AGBL4: variants seen among roughly 807,000 people sequenced by gnomAD.
AGBL4 encodes the protein cytosolic carboxypeptidase 6.
In AGBL4, 58 loss-of-function variants were observed where a neutral mutation model predicts 66.4. The observed-to-expected ratio is 0.87, with a 90% CI of 0.71 to 1.09. AGBL4 has a LOEUF of 1.09. AGBL4 is among the 50% of genes least tolerant of loss of function. The pLI, the probability that AGBL4 is intolerant of heterozygous loss-of-function variation, is 0.00. For synonymous variants in AGBL4, 234 were observed against 222.9 expected (o/e 1.05, Z -0.44); for missense variants, 579 against 631.0 (o/e 0.92, Z 0.88).
At chr1:49,850,314 G>A (rs1043857772) in intron 2 of AGBL4, among the ~76,000 whole-genome samples, 2 of 152,144 alleles carry the variant, frequency 1.3e-5, no homozygotes, top group South Asian at 2.1e-4. Context: ...CTAACAACCT[G>A]TAGGAAGCTA....
chr1:49,395,747 GTA>G (rs764822209), intron 3 of AGBL4, among the ~76,000 whole-genome samples: 45 of 127,856 alleles, frequency 3.5e-4, no homozygotes, highest in Middle Eastern at 4.1e-3. Flanking sequence ...ATATATATAT[GTA>G]TATATATATA....
intron 6 of AGBL4, among the ~76,000 whole-genome samples, chr1:48,747,624 T>C (rs1650976968): frequency 6.6e-6 from 1 of 152,258 alleles, no homozygotes; most frequent in Non-Finnish European, 1.5e-5. Context: ...TTCTGTTATT[T>C]ACTTTACCTC....
chr1:49,124,298 A>T (rs1303192091), intron 4 of AGBL4, among the ~76,000 whole-genome samples: 1 of 152,230 alleles, frequency 6.6e-6, no homozygotes, highest in Admixed American at 6.5e-5. Context: ...TATAATCAGC[A>T]GAATGAAGAA....
chr1:49,805,819 C>T (rs1384008730), intron 2 of AGBL4, among the ~76,000 whole-genome samples: 1 of 152,176 alleles, frequency 6.6e-6, no homozygotes, highest in African/African-American at 2.4e-5. Flanking sequence ...CGAGAAGGCA[C>T]ATCTATGAAA....
rs10657477 is a variant in AGBL4 at position 48,709,584 on chromosome 1, C to CATTATTATTATTATTATTATT, written c.635-46364_635-46344dup. The stretch of plus-strand genomic sequence containing the variant: ...TAGTGAGCACTTACTATTTGCCAGG[C>CATTATTATTATTATTATTATT]ATTATTATTATTATTATTATTATTA... On this transcript the variant is annotated intron_variant, in intron 6 of 13. Transcript: ENST00000371839. 3.9e-4 allele frequency among the ~76,000 whole-genome samples: 55 copies of CATTATTATTATTATTATTATT among 141,890 alleles called. 1 individual carries two copies. Among genetic ancestry groups the CATTATTATTATTATTATTATT allele is most frequent in the Middle Eastern group, 3.6e-3 (1 of 278 alleles). 93.1% of individuals were successfully genotyped at this position (141,890 alleles called of 152,430 possible). A position where few individuals can be genotyped will look rare whatever the true frequency, so the allele number is the denominator to read the frequency against.
intron 4 of AGBL4, among the ~76,000 whole-genome samples, chr1:49,055,280 A>C (rs1195502968): frequency 6.6e-6 from 1 of 151,998 alleles, no homozygotes; most frequent in Non-Finnish European, 1.5e-5. Context: ...ATTTTGTTTT[A>C]TTAAAAAAAT....
intron 5 of AGBL4, among the ~76,000 whole-genome samples, chr1:48,957,028 A>G (rs1265583325): frequency 6.6e-6 from 1 of 152,152 alleles, no homozygotes; most frequent in Non-Finnish European, 1.5e-5. Flanking sequence ...TATACTTCAT[A>G]TTTTTTAAAG....
chr1:49,575,013 C>A (rs919204711), intron 3 of AGBL4, among the ~76,000 whole-genome samples: 1 of 152,056 alleles, frequency 6.6e-6, no homozygotes, highest in Non-Finnish European at 1.5e-5. Flanking sequence ...AAGTCGGGTC[C>A]CCTTGAGGAA....
chr1:49,107,673 ATGTG>A lies in AGBL4; in HGVS notation c.378-61877_378-61874del, dbSNP rs141552810. Among the ~76,000 whole-genome samples, 144 of 129,932 alleles carry A rather than the reference ATGTG, an allele frequency of 1.1e-3. 2 individuals carry two copies. Among genetic ancestry groups the A allele is most frequent in the East Asian group, 3.1e-3 (12 of 3,932 alleles). 85.2% of individuals were successfully genotyped at this position (129,932 alleles called of 152,430 possible). A position where few individuals can be genotyped will look rare whatever the true frequency, so the allele number is the denominator to read the frequency against. On this transcript the variant is annotated intron_variant, in intron 4 of 13. Coordinates refer to ENST00000371839, the MANE Select transcript of AGBL4 (RefSeq NM_032785.4). ...CCTGTGGGCATGTATGAATATGTGT[ATGTG>A]TGTGTGTGTGTGTGTGTGAGAGAGA...
chr1:49,224,990 A>G (rs1017041346), intron 4 of AGBL4, among the ~76,000 whole-genome samples: 1 of 152,226 alleles, frequency 6.6e-6, no homozygotes, highest in Non-Finnish European at 1.5e-5. Context: ...ACACTTGTAC[A>G]TGTAATAAAA....
chr1:49,368,363 G>T (rs765194361), intron 3 of AGBL4, among the ~76,000 whole-genome samples: 3 of 151,926 alleles, frequency 2.0e-5, no homozygotes, highest in African/African-American at 7.3e-5. Flanking sequence ...ACTTTTTTAC[G>T]TTCCCACCAG....
chr1:48,549,241 C>T (rs1435472022), intron 11 of AGBL4, among the ~76,000 whole-genome samples: 1 of 152,200 alleles, frequency 6.6e-6, no homozygotes, highest in Non-Finnish European at 1.5e-5. Context: ...GCCTAGGAGC[C>T]TCTAGGTAAA....
At chr1:49,400,255 G>A (rs1645056474) in intron 3 of AGBL4, among the ~76,000 whole-genome samples, 1 of 152,030 alleles carries the variant, frequency 6.6e-6, no homozygotes, top group South Asian at 2.1e-4. Context: ...TTGTTTTTAT[G>A]CCAGTACCAT....
At chr1:49,787,128 G>T (rs1644473448) in intron 2 of AGBL4, among the ~76,000 whole-genome samples, 1 of 152,078 alleles carries the variant, frequency 6.6e-6, no homozygotes, top group Non-Finnish European at 1.5e-5. Context: ...TAAACATTTC[G>T]CTAACACCCT....
intron 3 of AGBL4, among the ~76,000 whole-genome samples, chr1:49,374,770 C>T (rs1644437237): frequency 1.3e-5 from 2 of 152,278 alleles, no homozygotes; most frequent in South Asian, 2.1e-4. Context: ...ACAAAACAGG[C>T]TATGTCACTA....
At chr1:49,061,939 G>T (rs564368292) in intron 4 of AGBL4, among the ~76,000 whole-genome samples, 1 of 151,996 alleles carries the variant, frequency 6.6e-6, no homozygotes, top group Non-Finnish European at 1.5e-5. Flanking sequence ...CTGGGGCCAC[G>T]GACAGGCCAC....
At chr1:49,960,330 C>A (rs1657014705) in intron 1 of AGBL4, among the ~76,000 whole-genome samples, 1 of 151,966 alleles carries the variant, frequency 6.6e-6, no homozygotes, top group Non-Finnish European at 1.5e-5. Flanking sequence ...AAATTAAACA[C>A]CACATGTTCT....
intron 3 of AGBL4, among the ~76,000 whole-genome samples, chr1:49,673,925 G>A (rs1646530318): frequency 6.6e-6 from 1 of 151,982 alleles, no homozygotes; most frequent in Non-Finnish European, 1.5e-5. Flanking sequence ...ACAGGGGGTT[G>A]GAGGTTATAT....
intron 3 of AGBL4, among the ~76,000 whole-genome samples, chr1:49,316,139 G>T (rs1290532278): frequency 6.6e-6 from 1 of 151,826 alleles, no homozygotes; most frequent in Non-Finnish European, 1.5e-5. Flanking sequence ...TGGAGCATAG[G>T]GAATTTTTAG....
Sources: allele counts gnomAD v4.1 joint callset (sites outside exome capture counted in the v4.1 genomes callset), GRCh38; gene constraint gnomAD v4.1.1; transcripts MANE v1.5; gene names NCBI Gene and HGNC (gene_info 2026-07-23, HGNC 2026-07-21).